Variants in FSTL5 observed in about 807,000 individuals in gnomAD.
FSTL5 encodes the protein follistatin like 5.
FSTL5 carries 62 observed loss-of-function variants against 89.1 expected under a neutral mutation model. The ratio of observed to expected loss-of-function variants is 0.70; its 90% CI spans 0.57 to 0.86. The LOEUF is 0.86. Ranked by LOEUF, FSTL5 falls within the 40% of genes least tolerant of loss-of-function variation. The pLI is 0.00. For missense variants in FSTL5, 1,057 were observed against 1,001.6 expected (o/e 1.06, Z -0.75); for synonymous variants, 383 against 346.2 (o/e 1.11, Z -1.18).
chr4:161,877,750 C>T (rs576635028), intron 4 of FSTL5, among the ~76,000 whole-genome samples: 2 of 152,010 alleles, frequency 1.3e-5, no homozygotes, highest in Non-Finnish European at 2.9e-5. Context: ...GGCGTGAACC[C>T]GAGAGGCGGA....
intron 2 of FSTL5, among the ~76,000 whole-genome samples, chr4:162,055,639 T>C (rs1738518260): frequency 6.6e-6 from 1 of 151,960 alleles, no homozygotes; most frequent in African/African-American, 2.4e-5. Context: ...AGAATGTTAA[T>C]TTTTTCATTG....
At chr4:161,640,995 C>G (rs187548866) in intron 7 of FSTL5, among the ~76,000 whole-genome samples, 6 of 152,282 alleles carry the variant, frequency 3.9e-5, no homozygotes, top group Admixed American at 3.3e-4. Flanking sequence ...AGGTGGTAAG[C>G]TAATATATTC....
chr4:161,905,524 T>C (rs1021557616), intron 4 of FSTL5, among the ~76,000 whole-genome samples: 1 of 122,084 alleles, frequency 8.2e-6, no homozygotes, highest in African/African-American at 2.8e-5. Context: ...TTTATTTATT[T>C]ATTTGCTTAG....
chr4:161,596,141 A>G (rs1365690006), intron 7 of FSTL5, among the ~76,000 whole-genome samples: 1 of 151,944 alleles, frequency 6.6e-6, no homozygotes, highest in Non-Finnish European at 1.5e-5. Context: ...AGTAGACAAG[A>G]TTTTCTAGAA....
chr4:162,120,229 A>G (rs1229841948), intron 1 of FSTL5, among the ~76,000 whole-genome samples: 1 of 152,090 alleles, frequency 6.6e-6, no homozygotes, highest in Non-Finnish European at 1.5e-5. Flanking sequence ...TTGAGCTTGC[A>G]TTAGGAGAAA....
chr4:161,446,105 G>A (rs767023954), intron 15 of FSTL5, among the ~76,000 whole-genome samples: 34 of 151,852 alleles, frequency 2.2e-4, no homozygotes, highest in South Asian at 4.1e-4. Context: ...ATATTAACTC[G>A]GTTGGATTCA....
chr4:161,526,400 T>A (rs1731220573), intron 10 of FSTL5, among the ~76,000 whole-genome samples: 1 of 152,178 alleles, frequency 6.6e-6, no homozygotes, highest in Non-Finnish European at 1.5e-5. Flanking sequence ...GAGTTGAGTA[T>A]TACCATATGT....
intron 6 of FSTL5, among the ~76,000 whole-genome samples, chr4:161,721,711 A>C (rs140734017): frequency 3.3e-4 from 50 of 152,300 alleles, no homozygotes; most frequent in Non-Finnish European, 4.9e-4. Context: ...GCTAGGATAT[A>C]AGTCACACTG....
chr4:161,437,947 GACTT>G (rs1207296615), intron 15 of FSTL5, among the ~76,000 whole-genome samples: 1 of 152,172 alleles, frequency 6.6e-6, no homozygotes, highest in Non-Finnish European at 1.5e-5. Context: ...TGAGACGGAA[GACTT>G]ACTCCTCCGA....
chr4:161,588,584 T>C (rs956766111), intron 7 of FSTL5, among the ~76,000 whole-genome samples: 1 of 152,190 alleles, frequency 6.6e-6, no homozygotes, highest in Non-Finnish European at 1.5e-5. Flanking sequence ...TCTTCCATTA[T>C]GGTAATGACT....
At chr4:162,148,575 C>T (rs979006214) in intron 1 of FSTL5, among the ~76,000 whole-genome samples, 8 of 152,038 alleles carry the variant, frequency 5.3e-5, no homozygotes, top group Non-Finnish European at 1.2e-4. Context: ...TGTATATATA[C>T]ATTTATACAT....
At chr4:161,499,919 G>A in intron 12 of FSTL5, 97 bp downstream of exon 12, 1 of 698,552 alleles carries the variant, frequency 1.4e-6, no homozygotes, top group Non-Finnish European at 2.5e-6. Flanking sequence ...TCCAACACGA[G>A]TCTCATATAT....
chr4:162,003,776 T>C (rs1403247810), intron 3 of FSTL5, among the ~76,000 whole-genome samples: 4 of 152,218 alleles, frequency 2.6e-5, no homozygotes, highest in Admixed American at 2.6e-4. Context: ...CAATGATATA[T>C]GTGCAAGTTA....
intron 6 of FSTL5, among the ~76,000 whole-genome samples, chr4:161,669,276 T>C (rs1006565020): frequency 2.0e-5 from 3 of 152,066 alleles, no homozygotes; most frequent in Non-Finnish European, 4.4e-5. Flanking sequence ...CAGCAAGTCA[T>C]TTTGTGGATA....
chr4:161,675,768 A>G (rs1737279864), intron 6 of FSTL5, among the ~76,000 whole-genome samples: 3 of 152,012 alleles, frequency 2.0e-5, no homozygotes, highest in Admixed American at 2.0e-4. Flanking sequence ...ACCATAATAT[A>G]ATTTATGCTA....
intron 7 of FSTL5, among the ~76,000 whole-genome samples, chr4:161,605,361 G>T (rs910184740): frequency 2.0e-5 from 3 of 152,070 alleles, no homozygotes; most frequent in Non-Finnish European, 2.9e-5. Context: ...TAATTGCAAT[G>T]ATTTAATTAC....
At chr4:161,484,909 C>T (rs1161367845) in intron 12 of FSTL5, among the ~76,000 whole-genome samples, 2 of 152,088 alleles carry the variant, frequency 1.3e-5, no homozygotes, top group Admixed American at 6.5e-5. Flanking sequence ...AATAATGGTC[C>T]CCCAGGCCAA....
At chr4:161,974,229 G>GA (rs1560946095) in intron 3 of FSTL5, among the ~76,000 whole-genome samples, 1 of 152,106 alleles carries the variant, frequency 6.6e-6, no homozygotes, top group East Asian at 1.9e-4. Context: ...AGCTACCAAT[G>GA]ACTTTCTTCA....
intron 15 of FSTL5, among the ~76,000 whole-genome samples, chr4:161,448,170 A>C (rs527986923): frequency 1.1e-4 from 16 of 152,278 alleles, no homozygotes; most frequent in African/African-American, 3.8e-4. Context: ...GGGAGGAATT[A>C]GCATGTGAGG....
Sources: allele counts gnomAD v4.1 joint callset (sites outside exome capture counted in the v4.1 genomes callset), GRCh38; gene constraint gnomAD v4.1.1; transcripts MANE v1.5; gene names NCBI Gene and HGNC (gene_info 2026-07-23, HGNC 2026-07-21).